Variants in ADCY5 observed in about 807,000 individuals in gnomAD.
ADCY5 encodes the protein adenylate cyclase 5, also known as adenylate cyclase type 5.
A neutral mutation model predicts 119.7 loss-of-function variants in ADCY5; 30 were observed. The ratio of observed to expected loss-of-function variants is 0.25; its 90% CI spans 0.19 to 0.34. The LOEUF (loss-of-function observed/expected upper bound fraction) is 0.34. Ranked by LOEUF, ADCY5 falls within the 10% of genes least tolerant of loss-of-function variation. The probability of loss-of-function intolerance (pLI) is 1.00; values close to 1 mark genes in which losing one functional copy is unlikely to be tolerated. For synonymous variants in ADCY5, 753 were observed against 762.2 expected (o/e 0.99, Z 0.20); for missense variants, 1,324 against 1,775.2 (o/e 0.75, Z 4.57).
intron 3 of ADCY5, among the ~76,000 whole-genome samples, chr3:123,341,554 G>A (rs546607917): frequency 1.7e-4 from 26 of 152,152 alleles, no homozygotes; most frequent in African/African-American, 5.5e-4. Context: ...AGAGATGGAC[G>A]GTGGTGATGG....
At position 123,440,813 on chromosome 3, in the gene ADCY5, A is replaced by C. The variant is rs117176532; in HGVS notation, c.1134+6599T>G. 2.3e-3 allele frequency among the ~76,000 whole-genome samples: 356 copies of C among 152,258 alleles called. 2 individuals carry two copies. The East Asian group carries it at 0.025, about 11-fold the overall frequency. The stretch of plus-strand genomic sequence containing the variant: ...GTGAGCCACAGATTGTTTTGCCTCA[A>C]AAAGGAAGGGGGGATTGGGGCGAGG... On this transcript the variant is annotated intron_variant, in intron 1 of 20. Coordinates refer to ENST00000462833, the MANE Select transcript of ADCY5 (RefSeq NM_183357.3).
At chr3:123,415,615 T>G (rs1288306030) in intron 1 of ADCY5, among the ~76,000 whole-genome samples, 1 of 152,156 alleles carries the variant, frequency 6.6e-6, no homozygotes, top group Non-Finnish European at 1.5e-5. Flanking sequence ...AGCGCCTCTG[T>G]GGCCTTGGGG....
At chr3:123,325,513 C>T in intron 7 of ADCY5, 51 bp from the exon 8 acceptor site, 2 of 1,608,362 alleles carry the variant, frequency 1.2e-6, no homozygotes, top group Non-Finnish European at 1.7e-6. Flanking sequence ...AAGCGGAGGG[C>T]TCCTCACCCT....
chr3:123,290,062 T>G, intron 18 of ADCY5, 108 bp from the exon 19 acceptor site: 1 of 1,105,048 alleles, frequency 9.0e-7, no homozygotes, highest in Non-Finnish European at 1.3e-6. Context: ...CCTTCATGTG[T>G]CCGCTCTTCA....
intron 1 of ADCY5, among the ~76,000 whole-genome samples, chr3:123,369,554 A>G (rs1304165329): frequency 6.6e-6 from 1 of 152,190 alleles, no homozygotes; most frequent in Non-Finnish European, 1.5e-5. Context: ...GCTGGCCTGA[A>G]GTATTGGAGA....
chr3:123,327,649 G>T lies in ADCY5; in HGVS notation c.1916C>A (p.Thr639Asn). 6.2e-7 allele frequency: 1 copy of T among 1,614,128 alleles called. No homozygotes were observed. Among genetic ancestry groups the T allele is most frequent in the Non-Finnish European group, 8.5e-7 (1 of 1,180,028 alleles). The change falls in exon 7 of 21, where the codon ACC becomes AAC. Residue 639 changes from threonine to asparagine, a missense_variant. Thr to Asn is a moderately conservative substitution (Grantham distance 65). Coordinates refer to ENST00000462833, the MANE Select transcript of ADCY5 (RefSeq NM_183357.3). The stretch of plus-strand genomic sequence containing the variant: ...CTGGGTGCAGCGCAGGATGAGGAAG[G>T]TCTCGATACTGTGCTCCTTGAGGTA... ...NAYLKEHSIE[T>N]FLILRCTQKR...
chr3:123,393,590 T>C (rs969513502), intron 1 of ADCY5, among the ~76,000 whole-genome samples: 5 of 151,150 alleles, frequency 3.3e-5, no homozygotes, highest in African/African-American at 4.9e-5. Flanking sequence ...TAAAATAAAA[T>C]AAAATAAAAT....
Position 123,422,592 on chromosome 3 carries a change from T to C in ADCY5, c.1134+24820A>G, listed in dbSNP as rs543990446. Among the ~76,000 whole-genome samples the C allele has an allele frequency of 3.3e-5, 5 of 152,334 alleles. No individual in the cohort carries two copies. In the South Asian group the frequency reaches 1.0e-3, roughly 32 times the overall value. ...ACCTACCATTAAACCACACAGCCAC[T>C]GAGTCACAACTGCAGGGCAGAGGCA... On this transcript the variant is annotated intron_variant, in intron 1 of 20. Coordinates refer to ENST00000462833, the MANE Select transcript of ADCY5 (RefSeq NM_183357.3).
At chr3:123,303,263 G>C (rs976853867) in intron 13 of ADCY5, 44 bp from the exon 14 acceptor site, 4 of 1,591,544 alleles carry the variant, frequency 2.5e-6, no homozygotes, top group African/African-American at 2.7e-5. Context: ...TAAGCTGCTG[G>C]GGGACAGGTA....
At chr3:123,445,244 A>G (rs939965664) in intron 1 of ADCY5, among the ~76,000 whole-genome samples, 3 of 152,194 alleles carry the variant, frequency 2.0e-5, no homozygotes, top group Non-Finnish European at 4.4e-5. Flanking sequence ...TGGGGAGAGA[A>G]GGGAGAGGGA....
At chr3:123,348,523 G>A (rs936759140) in intron 2 of ADCY5, among the ~76,000 whole-genome samples, 3 of 152,320 alleles carry the variant, frequency 2.0e-5, no homozygotes, top group Admixed American at 2.0e-4. Context: ...AGTAGTCAGA[G>A]ACGGCTTCCT....
chr3:123,446,648 T>C (rs1334153920), intron 1 of ADCY5, among the ~76,000 whole-genome samples: 1 of 152,234 alleles, frequency 6.6e-6, no homozygotes, highest in African/African-American at 2.4e-5. Flanking sequence ...CCTGCAGTTC[T>C]AGACTCACCC....
intron 1 of ADCY5, among the ~76,000 whole-genome samples, chr3:123,413,793 A>T (rs954823939): frequency 1.3e-5 from 2 of 152,126 alleles, no homozygotes; most frequent in African/African-American, 4.8e-5. Context: ...GTTGGGTGCA[A>T]GAGACATGAA....
In ADCY5 at chr3:123,348,012, C is replaced by T. The variant is rs1233616791; in HGVS notation, c.1285-109G>A. 3.5e-6 allele frequency: 4 copies of T among 1,158,148 alleles called. No individual in the cohort carries two copies. The African/African-American group carries it at 9.9e-5, about 29-fold the overall frequency. The allele number at this position is 1,158,148 out of a possible 1,614,324, so 71.7% of individuals were successfully genotyped here. A position where few individuals can be genotyped will look rare whatever the true frequency, so the allele number is the denominator to read the frequency against. ...TGAGGGCCCTGGAAAACCTCTCAGG[C>T]TCTCCCGGGACTCCTGGGTTAACAG... On this transcript the variant is annotated intron_variant, in intron 2 of 20. Transcript: ENST00000462833.
chr3:123,341,291 GC>G (rs35240092), intron 3 of ADCY5, among the ~76,000 whole-genome samples: 37,977 of 152,082 alleles, frequency 0.25, 5,982 homozygotes, highest in Non-Finnish European at 0.36. Context: ...GTATTATTCA[GC>G]CCTTAAAAAG....
At chr3:123,336,507 C>A (rs1269728437) in intron 3 of ADCY5, among the ~76,000 whole-genome samples, 1 of 152,228 alleles carries the variant, frequency 6.6e-6, no homozygotes, top group South Asian at 2.1e-4. Context: ...AAAGGCCTGG[C>A]TTTGGGGGCT....
intron 10 of ADCY5, among the ~76,000 whole-genome samples, chr3:123,318,418 G>A (rs990460896): frequency 1.3e-5 from 2 of 152,134 alleles, no homozygotes; most frequent in African/African-American, 4.8e-5. Flanking sequence ...CCATCTACAC[G>A]CTAGGAAACA....
intron 3 of ADCY5, 54 bp from the exon 4 acceptor site, chr3:123,332,729 C>G: frequency 8.4e-7 from 1 of 1,188,246 alleles, no homozygotes; most frequent in South Asian, 1.3e-5. Context: ...CTTTGTGTCT[C>G]CCAAATTCAT....
intron 5 of ADCY5, among the ~76,000 whole-genome samples, chr3:123,329,600 G>T (rs1388566033): frequency 6.6e-6 from 1 of 152,112 alleles, no homozygotes; most frequent in African/African-American, 2.4e-5. Context: ...GTAGGGTAAT[G>T]GATGAACTCA....
Sources: allele counts gnomAD v4.1 joint callset (sites outside exome capture counted in the v4.1 genomes callset), GRCh38; gene constraint gnomAD v4.1.1; transcripts MANE v1.5; gene names NCBI Gene and HGNC (gene_info 2026-07-23, HGNC 2026-07-21).